The following FGF14 variants were observed in gnomAD, a reference collection of about 807,000 sequenced individuals.
FGF14 encodes fibroblast growth factor 14.
A neutral mutation model predicts 25.5 loss-of-function variants in FGF14; 5 were observed. The ratio of observed to expected loss-of-function variants is 0.20; its 90% confidence interval spans 0.10 to 0.41. The LOEUF (loss-of-function observed/expected upper bound fraction) is 0.41, where lower values mean the gene tolerates loss of function less well. Among genes scored for constraint, FGF14 ranks in the 10% least tolerant of loss-of-function variants. The probability of loss-of-function intolerance (pLI) is 1.00; values close to 1 mark genes in which losing one functional copy is unlikely to be tolerated. For missense variants in FGF14, 222 were observed against 320.1 expected (o/e 0.69, Z 2.34); for synonymous variants, 138 against 118.3 (o/e 1.17, Z -1.08).
chr13:102,006,278 A>T (rs1349216936), intron 1 of FGF14, among the ~76,000 whole-genome samples: 2 of 152,224 alleles, frequency 1.3e-5, no homozygotes, highest in East Asian at 3.9e-4. Flanking sequence ...TTGTGAACTA[A>T]AATATATCCA....
chr13:101,794,669 G>A (rs1177193090), intron 3 of FGF14, among the ~76,000 whole-genome samples: 1 of 152,024 alleles, frequency 6.6e-6, no homozygotes, highest in Non-Finnish European at 1.5e-5. Context: ...ATGTGTCCCT[G>A]AAACCCATGC....
At chr13:101,863,745 G>A (rs931023178) in intron 3 of FGF14, among the ~76,000 whole-genome samples, 6 of 152,122 alleles carry the variant, frequency 3.9e-5, no homozygotes, top group African/African-American at 1.4e-4. Context: ...CCCTAAACTT[G>A]AGCAACGAAG....
intron 1 of FGF14, among the ~76,000 whole-genome samples, chr13:102,200,970 G>T (rs564441185): frequency 5.9e-5 from 9 of 151,560 alleles, no homozygotes; most frequent in South Asian, 2.1e-4. Context: ...GGCGTGGTGG[G>T]GGGCGCCTGT....
chr13:101,872,416 T>A (rs570665989), intron 2 of FGF14, among the ~76,000 whole-genome samples: 1 of 151,974 alleles, frequency 6.6e-6, no homozygotes, highest in African/African-American at 2.4e-5. Context: ...ATCACCTCTG[T>A]CCTCACAACA....
intron 3 of FGF14, among the ~76,000 whole-genome samples, chr13:101,766,788 C>T (rs1349685697): frequency 3.3e-5 from 5 of 152,030 alleles, no homozygotes; most frequent in Non-Finnish European, 7.4e-5. Context: ...GGGGCAAAAA[C>T]ACACACACAG....
chr13:101,970,640 A>G lies in FGF14; in HGVS notation c.209-95344T>C, dbSNP rs114061516. Among the ~76,000 whole-genome samples the G allele has an allele frequency of 8.1e-3, 1,231 of 152,250 alleles. 20 individuals carry two copies. The highest frequency in any genetic ancestry group is 0.028 in the African/African-American group (1,164 of 41,536). On this transcript the variant is annotated intron_variant, in intron 1 of 4. Transcript: ENST00000376131. ...GGAGTCTCCATGTCTGACTGTAAGG[A>G]AAGTTCCACCAGAAGAAAAAATGCA...
chr13:102,327,272 A>G (rs973449534), intron 1 of FGF14, among the ~76,000 whole-genome samples: 1 of 152,244 alleles, frequency 6.6e-6, no homozygotes, highest in Non-Finnish European at 1.5e-5. Flanking sequence ...TTTGCAACAC[A>G]TCTGTTAGGA....
chr13:102,119,201 G>A (rs545260867), intron 1 of FGF14, among the ~76,000 whole-genome samples: 27 of 152,230 alleles, frequency 1.8e-4, no homozygotes, highest in South Asian at 4.1e-4. Context: ...AAGCATTTAC[G>A]CTTACCTTCC....
At chr13:101,740,884 C>T (rs1566841113) in intron 3 of FGF14, among the ~76,000 whole-genome samples, 1 of 151,966 alleles carries the variant, frequency 6.6e-6, no homozygotes, top group South Asian at 2.1e-4. Context: ...CAAAGACAAA[C>T]CACATATTGT....
At chr13:101,837,407 C>G (rs938263045) in intron 3 of FGF14, among the ~76,000 whole-genome samples, 1 of 152,062 alleles carries the variant, frequency 6.6e-6, no homozygotes, top group East Asian at 1.9e-4. Context: ...GTCTCAGACT[C>G]TTGAAAAGAT....
intron 1 of FGF14, among the ~76,000 whole-genome samples, chr13:102,311,253 T>C (rs2055751305): frequency 6.6e-6 from 1 of 152,122 alleles, no homozygotes; most frequent in South Asian, 2.1e-4. Flanking sequence ...CATGAACAGA[T>C]CACACTGCAT....
At chr13:101,862,151 G>GGTGGAA (rs2044452694) in intron 3 of FGF14, among the ~76,000 whole-genome samples, 1 of 152,088 alleles carries the variant, frequency 6.6e-6, no homozygotes, top group Non-Finnish European at 1.5e-5. Context: ...AGAATCAGGA[G>GGTGGAA]TCAGGTGGAT....
intron 3 of FGF14, among the ~76,000 whole-genome samples, chr13:101,859,385 T>C (rs562744832): frequency 2.0e-5 from 3 of 152,232 alleles, no homozygotes; most frequent in South Asian, 4.1e-4. Context: ...CTGTTGTCTA[T>C]TGGACTTTCA....
intron 1 of FGF14, among the ~76,000 whole-genome samples, chr13:102,030,154 A>G (rs2041139501): frequency 6.6e-6 from 1 of 152,106 alleles, no homozygotes; most frequent in Non-Finnish European, 1.5e-5. Context: ...ACAAACAATG[A>G]CATACTTTAG....
intron 1 of FGF14, among the ~76,000 whole-genome samples, chr13:102,108,143 A>G (rs2045022191): frequency 6.6e-6 from 1 of 152,166 alleles, no homozygotes. Context: ...CTATTTTTTC[A>G]TCTTTGAAAA....
At chr13:102,326,611 A>AGGAAGGAGGGAAGGAG (rs1178632081) in intron 1 of FGF14, among the ~76,000 whole-genome samples, 1 of 143,402 alleles carries the variant, frequency 7.0e-6, no homozygotes, top group Non-Finnish European at 1.5e-5. Flanking sequence ...TCAAAAAGGA[A>AGGAAGGAGGGAAGGAG]GGAAGGAGGG....
intron 1 of FGF14, among the ~76,000 whole-genome samples, chr13:102,229,398 T>A (rs1247623983): frequency 6.6e-6 from 1 of 152,236 alleles, no homozygotes; most frequent in African/African-American, 2.4e-5. Flanking sequence ...TATCACCGTT[T>A]CACAGATGAT....
chr13:101,767,328 G>A (rs2038469832), intron 3 of FGF14, among the ~76,000 whole-genome samples: 1 of 152,108 alleles, frequency 6.6e-6, no homozygotes. Flanking sequence ...CAGAGATTCT[G>A]ATTTAATTGG....
At chr13:101,923,693 T>A (rs922614731) in intron 1 of FGF14, among the ~76,000 whole-genome samples, 6 of 152,092 alleles carry the variant, frequency 3.9e-5, no homozygotes, top group African/African-American at 1.4e-4. Context: ...TGCATTAATG[T>A]TATAACAGTC....
Sources: allele counts gnomAD v4.1 joint callset (sites outside exome capture counted in the v4.1 genomes callset), GRCh38; gene constraint gnomAD v4.1.1; transcripts MANE v1.5; gene names NCBI Gene and HGNC (gene_info 2026-07-23, HGNC 2026-07-21).